LYPD4: variants seen among roughly 807,000 people sequenced by gnomAD.
The protein encoded by LYPD4 is ly6/PLAUR domain-containing protein 4.
Under a neutral mutation model 18.2 loss-of-function variants are expected in LYPD4, and 20 were observed. The observed-to-expected ratio is 1.10, with a 90% CI of 0.77 to 1.59. The LOEUF is 1.59. Ranked by LOEUF, LYPD4 falls within the 40% of genes most tolerant of loss-of-function variation. The pLI is 0.00. For missense variants in LYPD4, 278 were observed against 300.3 expected, an observed-to-expected ratio of 0.93 and a Z score of 0.55; for synonymous variants, 111 against 118.3, an observed-to-expected ratio of 0.94 and a Z score of 0.40.
In LYPD4 at chr19:41,837,141, G is replaced by T. The variant is rs1555830587; in HGVS notation, c.*2C>A. On this transcript the variant is annotated 3_prime_UTR_variant, in exon 5 of 5. Transcript: ENST00000609812. ...GGGTGCTTGTCGGGTGCAGCTAGAT[G>T]GTCAGTCCCTGAAGGCAAACAGGAG... The T allele has an allele frequency of 6.2e-7, 1 of 1,613,834 alleles. No individual in the cohort carries two copies. Among genetic ancestry groups the T allele is most frequent in the South Asian group, 1.1e-5 (1 of 91,064 alleles).
Position 41,837,356 on chromosome 19 carries a change from G to T in LYPD4, c.539-11C>A. The T allele has an allele frequency of 6.2e-7, 1 of 1,613,790 alleles. No homozygotes were observed. Among genetic ancestry groups the T allele is most frequent in the Non-Finnish European group, 8.5e-7 (1 of 1,179,804 alleles). On this transcript the variant is annotated splice_polypyrimidine_tract_variant and intron_variant, in intron 4 of 4. Coordinates refer to ENST00000609812, the MANE Select transcript of LYPD4 (RefSeq NM_173506.7). The stretch of plus-strand genomic sequence containing the variant: ...TGGTATTGAGAAACCCTGTAAGGAA[G>T]AGAGGGAGAAGTCAGGAACACTTTC...
At position 41,839,040 on chromosome 19, in the gene LYPD4, T is replaced by C; in HGVS notation, c.68-16A>G. On this transcript the variant is annotated splice_polypyrimidine_tract_variant and intron_variant, in intron 2 of 4. Coordinates refer to ENST00000609812, the MANE Select transcript of LYPD4 (RefSeq NM_173506.7). ...GCTCCAGCCCCTAAAAAGAGAATGC[T>C]CTCCCAGTCATTGGCCCCTCATATC... The C allele has an allele frequency of 6.2e-7, 1 of 1,612,748 alleles. No individual in the cohort carries two copies.
chr19:41,836,757 A>T (rs957179690), downstream of LYPD4, among the ~76,000 whole-genome samples: 23 of 151,772 alleles, frequency 1.5e-4, no homozygotes, highest in East Asian at 3.5e-3. Flanking sequence ...AAAAAAAAAA[A>T]GAATTGGCCT....
chr19:41,838,819 G>C, intron 3 of LYPD4, 62 bp downstream of exon 3: 4 of 1,542,928 alleles, frequency 2.6e-6, no homozygotes, highest in Non-Finnish European at 3.6e-6. Context: ...TCGGTGCTGG[G>C]AGTGGAGCTG....
chr19:41,837,680 C>G (rs1276692790), intron 4 of LYPD4, among the ~76,000 whole-genome samples: 1 of 149,462 alleles, frequency 6.7e-6, no homozygotes, highest in African/African-American at 2.5e-5. Context: ...GGCAACAGAG[C>G]AAGACTCCCA....
intron 3 of LYPD4, among the ~76,000 whole-genome samples, chr19:41,838,508 G>T (rs550765447): frequency 1.3e-5 from 2 of 151,936 alleles, no homozygotes; most frequent in African/African-American, 2.4e-5. Context: ...CCTCCTCCAG[G>T]GATCTGTCCA....
chr19:41,843,053 AAAAAAAAAAAAAAAAAAAAAAAAAC>A lies in LYPD4; in HGVS notation c.-121+500_-121+524del, dbSNP rs1600568543. ...TCGCTAAAAAAAAAAAAAAAAAAAA[AAAAAAAAAAAAAAAAAAAAAAAAAC>A]CCCAACAACAACACTACACACATCC... On this transcript the variant is annotated intron_variant, in intron 1 of 4. Transcript: ENST00000609812. 3.2e-3 allele frequency among the ~76,000 whole-genome samples: 164 copies of A among 51,578 alleles called. 8 individuals are homozygous for A. Among genetic ancestry groups the A allele is most frequent in the African/African-American group, 6.7e-3 (95 of 14,076 alleles). The allele number at this position is 51,578 out of a possible 152,430, so 33.8% of individuals were successfully genotyped here.
chr19:41,835,795 C>T (rs189771209), downstream of LYPD4: 38 of 985,430 alleles, frequency 3.9e-5, no homozygotes, highest in Non-Finnish European at 4.3e-5. Context: ...GCTTCAGACC[C>T]CACTTGCTCA....
At chr19:41,841,099 A>G (rs2073572831) in intron 1 of LYPD4, among the ~76,000 whole-genome samples, 2 of 152,250 alleles carry the variant, frequency 1.3e-5, no homozygotes. Flanking sequence ...GATCCATTCT[A>G]TGAAAAGATT....
chr19:41,840,534 G>T (rs1381188880), intron 1 of LYPD4, among the ~76,000 whole-genome samples: 2 of 152,038 alleles, frequency 1.3e-5, no homozygotes, highest in Non-Finnish European at 2.9e-5. Flanking sequence ...AAATTAAAGG[G>T]TTTTTAAAAT....
At chr19:41,843,492 C>T (rs1555834238) in intron 1 of LYPD4, 86 bp downstream of exon 1, 1 of 152,050 alleles carries the variant, frequency 6.6e-6, no homozygotes, top group African/African-American at 2.4e-5. Context: ...TCTCCACTAC[C>T]TAAAGGATCA....
intron 1 of LYPD4, among the ~76,000 whole-genome samples, chr19:41,842,764 C>CAAAAAAAAAAAAAAAAAA (rs782233081): frequency 8.0e-5 from 4 of 49,766 alleles, no homozygotes; most frequent in African/African-American, 1.2e-4. Flanking sequence ...TCCGTCTAAA[C>CAAAAAAAAAAAAAAAAAA]AAAAAAAAAA....
chr19:41,838,800 T>G lies in LYPD4; in HGVS notation c.211+81A>C, dbSNP rs996178675. The G allele has an allele frequency of 7.5e-6, 10 of 1,339,722 alleles. No individual in the cohort carries two copies. In the East Asian group the frequency reaches 2.3e-4, roughly 31 times the overall value. The allele number at this position is 1,339,722 out of a possible 1,614,324, so 83.0% of individuals were successfully genotyped here. ...ATAGTAACTATGTGGAATTCTAATC[T>G]ACAGTCCCTCGGTGCTGGGAGTGGA... On this transcript the variant is annotated intron_variant, in intron 3 of 4. Transcript: ENST00000609812.
rs2073425892 is a variant in LYPD4, at chr19:41,838,004, A to G, written c.469T>C (p.Phe157Leu). The change falls in exon 4 of 5, where the codon TTT becomes CTT. Residue 157 changes from phenylalanine to leucine, a missense_variant. Phe to Leu is a conservative substitution (Grantham distance 22). Coordinates refer to ENST00000609812, the MANE Select transcript of LYPD4 (RefSeq NM_173506.7). Reference protein sequence around the residue: ...GEHMKDCLPNFVTTNSCPLAA... With the variant: ...GEHMKDCLPNLVTTNSCPLAA... ...AAGGGGCAAGAATTAGTGGTGACAA[A>G]ATTTGGGAGGCAATCCTTCATGTGC... 1 of 1,614,074 alleles carries G rather than the reference A, an allele frequency of 6.2e-7. No homozygotes were observed. Among genetic ancestry groups the G allele is most frequent in the Non-Finnish European group, 8.5e-7 (1 of 1,179,980 alleles).
chr19:41,838,087 G>T lies in LYPD4; in HGVS notation c.386C>A (p.Ala129Asp), dbSNP rs782792533. The T allele has an allele frequency of 1.8e-5, 29 of 1,614,162 alleles. No homozygotes were observed. In the South Asian group the frequency reaches 3.2e-4, roughly 18 times the overall value. The change falls in exon 4 of 5, where the codon GCC (alanine) becomes GAC (aspartate). Residue 129 changes from alanine to aspartate, a missense_variant. By Grantham distance (126) the Ala-to-Asp change is moderately radical. Transcript: ENST00000609812. ...AGATGTGATAGACTTAGGAGTGCTG[G>T]CCTTGAGTTTCACAAAAGGCTCCAA... The part of the protein sequence containing the change: ...TNLEPFVKLK[A>D]STPKSITSAS...
At chr19:41,838,490 C>T (rs1241356178) in intron 3 of LYPD4, among the ~76,000 whole-genome samples, 1 of 152,122 alleles carries the variant, frequency 6.6e-6, no homozygotes, top group African/African-American at 2.4e-5. Context: ...CTCCTCTCTC[C>T]CTTGTGCCCT....
At chr19:41,843,057 AAAAAAAAAAAAAAAAAAAAACC>A (rs1600568863) in intron 1 of LYPD4, among the ~76,000 whole-genome samples, 22 of 59,202 alleles carry the variant, frequency 3.7e-4, no homozygotes, top group African/African-American at 7.2e-4. Flanking sequence ...AAAAAAAAAA[AAAAAAAAAAAAAAAAAAAAACC>A]CCAACAACAA....
At chr19:41,841,619 T>A (rs1363662983) in intron 1 of LYPD4, among the ~76,000 whole-genome samples, 1 of 137,118 alleles carries the variant, frequency 7.3e-6, no homozygotes, top group African/African-American at 2.8e-5. Context: ...TGAGCCGAGA[T>A]CATGCCACTG....
intron 1 of LYPD4, among the ~76,000 whole-genome samples, chr19:41,841,453 G>A (rs2073586925): frequency 6.6e-6 from 1 of 151,976 alleles, no homozygotes; most frequent in Admixed American, 6.6e-5. Context: ...AAATCACAAG[G>A]TCAGGAGTTC....
Sources: gnomAD v4.1 joint callset for allele counts (sites outside exome capture counted in the v4.1 genomes callset) on GRCh38, gnomAD v4.1.1 for gene constraint, MANE v1.5 for transcripts, NCBI Gene and HGNC (gene_info 2026-07-23, HGNC 2026-07-21) for gene names.